The following SPIDR variants were observed in gnomAD, a reference collection of about 807,000 sequenced individuals.
SPIDR encodes the protein scaffold protein involved in DNA repair.
A neutral mutation model predicts 104.6 loss-of-function variants in SPIDR; 93 were observed. The ratio of observed to expected loss-of-function variants is 0.89; its 90% CI spans 0.75 to 1.06. SPIDR has a LOEUF of 1.06. Among genes scored for constraint, SPIDR ranks in the 50% least tolerant of loss-of-function variants. SPIDR has a pLI of 0.00. For missense variants in SPIDR, 1,154 were observed against 1,111.2 expected (o/e 1.04, Z -0.55); for synonymous variants, 431 against 416.9 (o/e 1.03, Z -0.41).
Position 47,565,971 on chromosome 8 carries a change from C to CATATATAT in SPIDR, c.1098-29825_1098-29818dup, listed in dbSNP as rs1170408396. 5.5e-4 allele frequency among the ~76,000 whole-genome samples: 23 copies of CATATATAT among 41,454 alleles called. 1 individual carries two copies. Among genetic ancestry groups the CATATATAT allele is most frequent in the East Asian group, 1.8e-3 (1 of 558 alleles). The allele number at this position is 41,454 out of a possible 152,430, so 27.2% of individuals were successfully genotyped here. Reference sequence around the variant, plus strand: ...TGGATAAGAATGTGATATTTATACTCATATATATATATATATATATATTTT... The same window carrying CATATATAT: ...TGGATAAGAATGTGATATTTATACTCATATATATATATATATATATATATATATATTTT... On this transcript the variant is annotated intron_variant, in intron 8 of 19. Transcript: ENST00000297423.
chr8:47,727,411 C>A, intron 17 of SPIDR, 118 bp downstream of exon 17: 1 of 837,610 alleles, frequency 1.2e-6, no homozygotes, highest in Non-Finnish European at 2.0e-6. Flanking sequence ...AAGGGGCAAC[C>A]TCTGCCTCTG....
intron 5 of SPIDR, among the ~76,000 whole-genome samples, chr8:47,391,418 T>A (rs1741749396): frequency 6.6e-6 from 1 of 151,892 alleles, no homozygotes; most frequent in Non-Finnish European, 1.5e-5. Context: ...CACACATCTG[T>A]AGCTTCAGCT....
intron 10 of SPIDR, among the ~76,000 whole-genome samples, chr8:47,634,713 G>A (rs1280284847): frequency 6.6e-6 from 1 of 152,166 alleles, no homozygotes; most frequent in East Asian, 1.9e-4. Context: ...GAGTGGGAGG[G>A]CGAGCTGTCA....
chr8:47,321,820 A>C (rs2154262560), intron 5 of SPIDR, among the ~76,000 whole-genome samples: 1 of 152,326 alleles, frequency 6.6e-6, no homozygotes, highest in South Asian at 2.1e-4. Flanking sequence ...TCTTTGACAA[A>C]CCTGACAAAA....
chr8:47,289,870 G>A (rs2039576525), intron 3 of SPIDR, among the ~76,000 whole-genome samples: 1 of 152,126 alleles, frequency 6.6e-6, no homozygotes, highest in South Asian at 2.1e-4. Context: ...ATGTCTTTCA[G>A]TAGGTGAATG....
intron 8 of SPIDR, among the ~76,000 whole-genome samples, chr8:47,479,521 C>T (rs918735883): frequency 2.0e-5 from 3 of 152,170 alleles, no homozygotes; most frequent in Admixed American, 6.5e-5. Flanking sequence ...CTGTGGTGAG[C>T]TTAGCAGCAC....
intron 8 of SPIDR, among the ~76,000 whole-genome samples, chr8:47,441,528 T>C (rs1375882323): frequency 1.3e-5 from 2 of 152,092 alleles, no homozygotes; most frequent in Non-Finnish European, 2.9e-5. Context: ...AAAAAAGTAG[T>C]GCCTTGTCAG....
At chr8:47,644,181 G>C (rs1366531641) in intron 10 of SPIDR, among the ~76,000 whole-genome samples, 1 of 152,202 alleles carries the variant, frequency 6.6e-6, no homozygotes, top group Non-Finnish European at 1.5e-5. Flanking sequence ...CAGTCCTGTG[G>C]TGTTTATCAA....
chr8:47,541,233 A>G (rs1415279504), intron 8 of SPIDR, among the ~76,000 whole-genome samples: 3 of 152,216 alleles, frequency 2.0e-5, no homozygotes, highest in Non-Finnish European at 4.4e-5. Flanking sequence ...ATCTTATTCA[A>G]TCTTCACAAT....
In SPIDR at chr8:47,551,945, T is replaced by C. The variant is rs192629210; in HGVS notation, c.1098-43866T>C. ...TTCCCTCTACACACTGCTTTGAATGTGTCCCAGAGATTCTGTTAGGTTGTG... is the reference window on the plus strand; with the variant it reads ...TTCCCTCTACACACTGCTTTGAATGCGTCCCAGAGATTCTGTTAGGTTGTG... On this transcript the variant is annotated intron_variant, in intron 8 of 19. Coordinates refer to ENST00000297423, the MANE Select transcript of SPIDR (RefSeq NM_001080394.4). 3.0e-3 allele frequency among the ~76,000 whole-genome samples: 457 copies of C among 152,326 alleles called. 4 individuals are homozygous for C. Among genetic ancestry groups the C allele is most frequent in the Middle Eastern group, 0.024 (7 of 294 alleles).
chr8:47,508,006 A>G (rs905063575), intron 8 of SPIDR, among the ~76,000 whole-genome samples: 3 of 152,266 alleles, frequency 2.0e-5, no homozygotes, highest in South Asian at 4.1e-4. Flanking sequence ...TTGAGTAATT[A>G]TGGGTTACTC....
At chr8:47,712,987 G>T in intron 15 of SPIDR, 115 bp downstream of exon 15, 2 of 1,514,634 alleles carry the variant, frequency 1.3e-6, no homozygotes, top group Non-Finnish European at 1.8e-6. Flanking sequence ...CACCTTCACG[G>T]AGCCCATCAC....
intron 2 of SPIDR, 104 bp downstream of exon 2, chr8:47,280,121 C>T (rs1586256076): frequency 8.3e-7 from 1 of 1,202,366 alleles, no homozygotes; most frequent in South Asian, 1.7e-5. Context: ...CTTATTCTTT[C>T]AGAACACTGT....
intron 14 of SPIDR, among the ~76,000 whole-genome samples, chr8:47,710,491 G>A (rs1225873714): frequency 6.1e-5 from 9 of 148,634 alleles, no homozygotes; most frequent in Non-Finnish European, 1.3e-4. Context: ...TTTTTGAGAC[G>A]GAGTTTCGCT....
At chr8:47,375,913 T>C (rs2058617157) in intron 5 of SPIDR, among the ~76,000 whole-genome samples, 1 of 152,244 alleles carries the variant, frequency 6.6e-6, no homozygotes, top group South Asian at 2.1e-4. Context: ...TTCAAAGTTC[T>C]ACATTACCTG....
At chr8:47,399,693 T>C (rs1489724886) in intron 6 of SPIDR, among the ~76,000 whole-genome samples, 2 of 152,110 alleles carry the variant, frequency 1.3e-5, no homozygotes, top group South Asian at 2.1e-4. Context: ...ACAAGGATGG[T>C]CCAGGGGCAC....
At chr8:47,545,839 A>G (rs999281893) in intron 8 of SPIDR, among the ~76,000 whole-genome samples, 3 of 152,106 alleles carry the variant, frequency 2.0e-5, no homozygotes, top group Non-Finnish European at 4.4e-5. Flanking sequence ...TTTTAACATG[A>G]GAGGGTGTTT....
At chr8:47,311,188 T>G (rs1224653128) in intron 5 of SPIDR, among the ~76,000 whole-genome samples, 1 of 152,126 alleles carries the variant, frequency 6.6e-6, no homozygotes, top group Non-Finnish European at 1.5e-5. Flanking sequence ...GAAAACTGAT[T>G]AGAGATTACA....
chr8:47,592,663 C>T lies in SPIDR; in HGVS notation c.1098-3148C>T, dbSNP rs1019794039. 1.2e-4 allele frequency: 105 copies of T among 885,582 alleles called. 1 individual carries two copies. The highest frequency in any genetic ancestry group is 7.6e-4 in the South Asian group (46 of 60,866). The allele number at this position is 885,582 out of a possible 1,614,324, so 54.9% of individuals were successfully genotyped here. The stretch of plus-strand genomic sequence containing the variant: ...CTAGTCTCCGGCTCCGCTTGCCTCA[C>T]GCACGAGTAGAAGTCCTCCCTCCCT... On this transcript the variant is annotated intron_variant, in intron 8 of 19. Coordinates refer to ENST00000297423, the MANE Select transcript of SPIDR (RefSeq NM_001080394.4).
Sources: allele counts gnomAD v4.1 joint callset (sites outside exome capture counted in the v4.1 genomes callset), GRCh38; gene constraint gnomAD v4.1.1; transcripts MANE v1.5; gene names NCBI Gene and HGNC (gene_info 2026-07-23, HGNC 2026-07-21).